The following CFAP299 variants were observed in gnomAD, a reference collection of about 807,000 sequenced individuals.
The protein encoded by CFAP299 is cilia and flagella associated protein 299.
A neutral mutation model predicts 27.0 loss-of-function variants in CFAP299; 21 were observed. The observed-to-expected ratio is 0.78, with a 90% CI of 0.55 to 1.12. CFAP299 has a LOEUF of 1.12. Ranked by LOEUF, CFAP299 falls within the 50% of genes most tolerant of loss-of-function variation. The pLI is 0.00. For missense variants in CFAP299, 310 were observed against 276.6 expected, an observed-to-expected ratio of 1.12 and a Z score of -0.86; for synonymous variants, 104 against 98.1, an observed-to-expected ratio of 1.06 and a Z score of -0.36.
rs1724019736 is a variant in CFAP299 at position 80,738,062 on chromosome 4, C to T, written c.334-131931C>T. On this transcript the variant is annotated intron_variant, in intron 3 of 5. Coordinates refer to ENST00000358105, the MANE Select transcript of CFAP299 (RefSeq NM_152770.3). ...TCAAAATTCCACTTGTTATTCATTT[C>T]TAGTTTTATTCCATTGTGGTTAGAG... is the stretch of plus-strand genomic sequence containing the variant. 2.0e-5 allele frequency among the ~76,000 whole-genome samples: 3 copies of T among 152,034 alleles called. No individual in the cohort carries two copies. The South Asian group carries it at 6.2e-4, about 32-fold the overall frequency.
chr4:80,784,488 C>CTTTCTTCCT, intron 3 of CFAP299, among the ~76,000 whole-genome samples: 1 of 151,832 alleles, frequency 6.6e-6, no homozygotes, highest in African/African-American at 2.4e-5. Context: ...CTCTTTCTTT[C>CTTTCTTCCT]TTTCTTTCTT....
At chr4:80,866,217 T>C (rs919902385) in intron 3 of CFAP299, among the ~76,000 whole-genome samples, 3 of 151,186 alleles carry the variant, frequency 2.0e-5, no homozygotes, top group African/African-American at 7.3e-5. Flanking sequence ...TTATCGTTTT[T>C]GCATTTAGAA....
chr4:80,402,032 T>C (rs759265665), intron 2 of CFAP299, among the ~76,000 whole-genome samples: 96 of 152,152 alleles, frequency 6.3e-4, no homozygotes, highest in Non-Finnish European at 1.2e-3. Flanking sequence ...TTTTGGCCAA[T>C]TTATCCCATT....
intron 3 of CFAP299, among the ~76,000 whole-genome samples, chr4:80,827,001 T>C (rs979316707): frequency 2.0e-5 from 3 of 151,526 alleles, no homozygotes; most frequent in Non-Finnish European, 4.4e-5. Flanking sequence ...CAGAAAATAC[T>C]TGGAGACAAA....
chr4:80,927,292 G>A (rs961544835), intron 4 of CFAP299, among the ~76,000 whole-genome samples: 1 of 151,916 alleles, frequency 6.6e-6, no homozygotes, highest in African/African-American at 2.4e-5. Context: ...TACAAAATGA[G>A]GTCAAATTCC....
At chr4:80,599,643 G>A (rs1737228762) in intron 3 of CFAP299, among the ~76,000 whole-genome samples, 1 of 151,938 alleles carries the variant, frequency 6.6e-6, no homozygotes, top group African/African-American at 2.4e-5. Context: ...TTAACAATGA[G>A]TACAAATTCA....
intron 2 of CFAP299, among the ~76,000 whole-genome samples, chr4:80,504,538 T>A (rs1481888083): frequency 7.3e-6 from 1 of 137,122 alleles, no homozygotes; most frequent in Non-Finnish European, 1.6e-5. Context: ...GAATTCTTTT[T>A]AAAAATTTCC....
intron 3 of CFAP299, among the ~76,000 whole-genome samples, chr4:80,671,186 C>A (rs1271833253): frequency 6.6e-6 from 1 of 152,012 alleles, no homozygotes; most frequent in Admixed American, 6.6e-5. Flanking sequence ...AGGAAAGGAT[C>A]CAGTTTCATC....
At chr4:80,784,413 G>A (rs1481693956) in intron 3 of CFAP299, among the ~76,000 whole-genome samples, 2 of 152,206 alleles carry the variant, frequency 1.3e-5, no homozygotes, top group African/African-American at 4.8e-5. Flanking sequence ...ATATCTCATA[G>A]TGGTTTTAAT....
intron 3 of CFAP299, among the ~76,000 whole-genome samples, chr4:80,654,661 A>C (rs1017663747): frequency 6.6e-6 from 1 of 152,060 alleles, no homozygotes; most frequent in Non-Finnish European, 1.5e-5. Flanking sequence ...GCTGAAATGC[A>C]CAGGCAATGA....
chr4:80,886,292 G>A (rs1279660584), intron 4 of CFAP299, among the ~76,000 whole-genome samples: 2 of 152,224 alleles, frequency 1.3e-5, no homozygotes, highest in Non-Finnish European at 2.9e-5. Context: ...TTACTTTCAA[G>A]TGAAGGGCTT....
intron 2 of CFAP299, among the ~76,000 whole-genome samples, chr4:80,396,640 G>A (rs1374432781): frequency 1.3e-5 from 2 of 152,112 alleles, no homozygotes; most frequent in African/African-American, 2.4e-5. Context: ...AGATAATCAT[G>A]TGGTTTTTGT....
At position 80,960,967 on chromosome 4, in the gene CFAP299, G is replaced by A. The variant is rs142444785; in HGVS notation, c.607-2550G>A. ...CTAATAATTAGGCATCAAATTTGTT[G>A]GTCTCCTATCTTAGTTAGAAATCAT... On this transcript the variant is annotated intron_variant, in intron 5 of 5. Coordinates refer to ENST00000358105, the MANE Select transcript of CFAP299 (RefSeq NM_152770.3). Among the ~76,000 whole-genome samples, 395 of 151,670 alleles carry A rather than the reference G, an allele frequency of 2.6e-3. 2 individuals are homozygous for A. The Middle Eastern group carries it at 0.031, about 12-fold the overall frequency.
intron 2 of CFAP299, among the ~76,000 whole-genome samples, chr4:80,575,198 A>C (rs2109859887): frequency 6.6e-6 from 1 of 152,242 alleles, no homozygotes; most frequent in South Asian, 2.1e-4. Context: ...GGTAAGTTAT[A>C]CATATCTATA....
chr4:80,855,283 C>T (rs1445770569), intron 3 of CFAP299, among the ~76,000 whole-genome samples: 1 of 152,112 alleles, frequency 6.6e-6, no homozygotes. Context: ...ATATTCATCA[C>T]TGTACCAATG....
chr4:80,507,858 T>C (rs1174710780), intron 2 of CFAP299, among the ~76,000 whole-genome samples: 2 of 152,168 alleles, frequency 1.3e-5, no homozygotes. Flanking sequence ...CACTTAAAAA[T>C]AATAAATTAT....
At chr4:80,410,819 A>G (rs1726683647) in intron 2 of CFAP299, among the ~76,000 whole-genome samples, 1 of 152,206 alleles carries the variant, frequency 6.6e-6, no homozygotes, top group Non-Finnish European at 1.5e-5. Flanking sequence ...AGGTGAGTGC[A>G]GAATTCAAAC....
intron 3 of CFAP299, among the ~76,000 whole-genome samples, chr4:80,688,603 C>T (rs939847382): frequency 7.2e-5 from 11 of 152,186 alleles, no homozygotes; most frequent in Admixed American, 2.0e-4. Context: ...AAAAACAGAG[C>T]AGAAAAACTG....
intron 4 of CFAP299, among the ~76,000 whole-genome samples, chr4:80,893,357 C>G (rs1015970319): frequency 1.3e-5 from 2 of 151,702 alleles, no homozygotes; most frequent in African/African-American, 4.8e-5. Context: ...ATATTTTTCA[C>G]AGATAGTAAA....
Sources: allele counts gnomAD v4.1 joint callset (sites outside exome capture counted in the v4.1 genomes callset), GRCh38; gene constraint gnomAD v4.1.1; transcripts MANE v1.5; gene names NCBI Gene and HGNC (gene_info 2026-07-23, HGNC 2026-07-21).